NUGGC: variants seen among roughly 807,000 people sequenced by gnomAD.
NUGGC encodes the protein nuclear GTPase SLIP-GC.
In NUGGC, 58 loss-of-function variants were observed where a neutral mutation model predicts 92.6. The ratio of observed to expected loss-of-function variants is 0.63; its 90% CI spans 0.51 to 0.78. The LOEUF is 0.78. NUGGC is among the 30% of genes least tolerant of loss of function. The pLI is 0.00. For synonymous variants in NUGGC, 376 were observed against 366.4 expected (o/e 1.03, Z -0.30); for missense variants, 925 against 964.6 (o/e 0.96, Z 0.54).
In NUGGC at chr8:28,041,057, G is replaced by A. The variant is rs759541966; in HGVS notation, c.1605C>T (p.Cys535=). ...CCCTGGAAGGGTCACTCACCACCAA[G>A]CATGCTCTGAGGATGCAGCGGTAAG... ...RTSYRCILRA[C]LVRSKGNQGF... The change falls in exon 13 of 19, where the codon TGC becomes TGT. Residue 535 remains cysteine (C), a synonymous_variant. Coordinates refer to ENST00000413272, the MANE Select transcript of NUGGC (RefSeq NM_001010906.2). 10 of 1,602,332 alleles carry A rather than the reference G, an allele frequency of 6.2e-6. No individual in the cohort carries two copies. Among genetic ancestry groups the A allele is most frequent in the Non-Finnish European group, 7.7e-6 (9 of 1,174,594 alleles).
In NUGGC at chr8:28,064,455, C is replaced by T. The variant is rs1401970111; in HGVS notation, c.921+67G>A. 6 of 1,319,918 alleles carry T rather than the reference C, an allele frequency of 4.5e-6. No individual in the cohort carries two copies. The African/African-American group carries it at 8.7e-5, about 19-fold the overall frequency. 81.8% of individuals were successfully genotyped at this position (1,319,918 alleles called of 1,614,324 possible). On this transcript the variant is annotated intron_variant, in intron 7 of 18. Coordinates refer to ENST00000413272, the MANE Select transcript of NUGGC (RefSeq NM_001010906.2). ...TCCCTGAAGCTGAAACCAGAGCATT[C>T]TTTGTTGCTTGAGAAAGGGTAGAGG...
At chr8:28,033,422 C>G in intron 14 of NUGGC, 118 bp downstream of exon 14, 1 of 1,001,802 alleles carries the variant, frequency 1.0e-6, no homozygotes, top group East Asian at 2.6e-5. Flanking sequence ...ACTAAGGTTT[C>G]CTTCTCCAGT....
chr8:28,072,028 C>T (rs1436515494), intron 2 of NUGGC, among the ~76,000 whole-genome samples: 5 of 152,142 alleles, frequency 3.3e-5, no homozygotes, highest in Non-Finnish European at 7.4e-5. Context: ...ATTCAGGCAG[C>T]CCTCCCTCTC....
At chr8:28,056,297 T>A (rs1810134403) in intron 9 of NUGGC, among the ~76,000 whole-genome samples, 1 of 150,414 alleles carries the variant, frequency 6.6e-6, no homozygotes, top group Non-Finnish European at 1.5e-5. Flanking sequence ...GCTAATCCAG[T>A]GAAACCCCAT....
chr8:28,044,076 C>T (rs548464520), intron 12 of NUGGC, among the ~76,000 whole-genome samples: 65 of 152,260 alleles, frequency 4.3e-4, no homozygotes, highest in African/African-American at 1.5e-3. Context: ...ACCAAAGGCT[C>T]CAGGTGGCAC....
intron 1 of NUGGC, among the ~76,000 whole-genome samples, chr8:28,074,755 A>G (rs907275388): frequency 3.9e-5 from 6 of 152,188 alleles, no homozygotes; most frequent in Non-Finnish European, 7.3e-5. Flanking sequence ...CCTGACCAAC[A>G]TGGTGAAATG....
Position 28,076,998 on chromosome 8 carries a change from A to G in NUGGC, c.-46-2542T>C, listed in dbSNP as rs147705972. Among the ~76,000 whole-genome samples the G allele has an allele frequency of 6.8e-4, 103 of 152,326 alleles. 1 individual carries two copies. Among genetic ancestry groups the G allele is most frequent in the African/African-American group, 2.3e-3 (96 of 41,570 alleles). The stretch of plus-strand genomic sequence containing the variant: ...TCTAGAGGTGTCTGAACCTATATTG[A>G]TATGACCACCTAATAACGACATTGA... On this transcript the variant is annotated intron_variant, in intron 1 of 18. Transcript: ENST00000413272.
chr8:28,029,762 A>C (rs567384309), intron 16 of NUGGC, among the ~76,000 whole-genome samples: 50 of 152,220 alleles, frequency 3.3e-4, no homozygotes, highest in African/African-American at 1.2e-3. Context: ...AAAAACAAAC[A>C]AAAAAAGAAA....
intron 10 of NUGGC, among the ~76,000 whole-genome samples, chr8:28,054,210 G>A (rs1810075687): frequency 6.6e-6 from 1 of 152,136 alleles, no homozygotes; most frequent in African/African-American, 2.4e-5. Context: ...GGCCAGACGT[G>A]GTGGCTCACG....
chr8:28,048,861 A>G (rs1363473550), intron 10 of NUGGC, among the ~76,000 whole-genome samples: 1 of 30,158 alleles, frequency 3.3e-5, no homozygotes, highest in East Asian at 1.2e-3. Flanking sequence ...ATTCCATCTC[A>G]AAAAAAAAAA....
chr8:28,059,876 C>G (rs1427535997), intron 8 of NUGGC, among the ~76,000 whole-genome samples: 1 of 152,136 alleles, frequency 6.6e-6, no homozygotes, highest in South Asian at 2.1e-4. Flanking sequence ...CAAAAATTAG[C>G]TGGGTGGACC....
At chr8:28,057,918 G>A (rs1289033224) in intron 9 of NUGGC, among the ~76,000 whole-genome samples, 5 of 152,116 alleles carry the variant, frequency 3.3e-5, no homozygotes, top group Admixed American at 3.3e-4. Flanking sequence ...CAGGCCGGGC[G>A]CGGTGGCTCA....
At chr8:28,069,174 G>A (rs1367591683) in intron 4 of NUGGC, among the ~76,000 whole-genome samples, 1 of 152,112 alleles carries the variant, frequency 6.6e-6, no homozygotes, top group Non-Finnish European at 1.5e-5. Context: ...ACAAATAATT[G>A]GGGACATGAG....
chr8:28,038,052 G>A (rs937454766), intron 13 of NUGGC, among the ~76,000 whole-genome samples: 1 of 152,152 alleles, frequency 6.6e-6, no homozygotes, highest in Non-Finnish European at 1.5e-5. Flanking sequence ...CTGAGAATGG[G>A]GCCCATGGAG....
intron 2 of NUGGC, among the ~76,000 whole-genome samples, chr8:28,071,433 T>C (rs1810587607): frequency 6.6e-6 from 1 of 152,150 alleles, no homozygotes; most frequent in Admixed American, 6.5e-5. Flanking sequence ...ACAAAAAAAA[T>C]ACACATGCAT....
chr8:28,074,517 C>A (rs13255712), intron 1 of NUGGC, 61 bp from the exon 2 acceptor site: 178,817 of 1,104,480 alleles, frequency 0.16, 15,411 homozygotes, highest in South Asian at 0.23. Context: ...AGAAAGCAAA[C>A]CCTAAGGATG....
chr8:28,075,031 A>T (rs528521596), intron 1 of NUGGC, among the ~76,000 whole-genome samples: 1 of 152,298 alleles, frequency 6.6e-6, no homozygotes, highest in Admixed American at 6.5e-5. Context: ...CAGAGCTGTG[A>T]AGGTGAATTT....
chr8:28,042,448 C>T (rs1052790546), intron 12 of NUGGC, among the ~76,000 whole-genome samples: 1 of 152,234 alleles, frequency 6.6e-6, no homozygotes, highest in East Asian at 1.9e-4. Context: ...ATTCCCCAAA[C>T]ATGCTGTCAA....
chr8:28,058,861 C>T (rs1052791964), intron 8 of NUGGC, among the ~76,000 whole-genome samples: 1 of 152,054 alleles, frequency 6.6e-6, no homozygotes, highest in Non-Finnish European at 1.5e-5. Flanking sequence ...CATCACCACG[C>T]CCGGCCAATT....
Sources: allele counts gnomAD v4.1 joint callset (sites outside exome capture counted in the v4.1 genomes callset), GRCh38; gene constraint gnomAD v4.1.1; transcripts MANE v1.5; gene names NCBI Gene and HGNC (gene_info 2026-07-23, HGNC 2026-07-21).